PEX14: variants seen among roughly 807,000 people sequenced by gnomAD.
PEX14 encodes peroxisomal membrane protein PEX14.
A neutral mutation model predicts 49.5 loss-of-function variants in PEX14; 15 were observed. The ratio of observed to expected loss-of-function variants is 0.30; its 90% CI spans 0.20 to 0.47. The LOEUF is 0.47. Ranked by LOEUF, PEX14 falls within the 20% of genes least tolerant of loss-of-function variation. The pLI is 1.00. For synonymous variants in PEX14, 210 were observed against 212.7 expected, an observed-to-expected ratio of 0.99 and a Z score of 0.11; for missense variants, 398 against 494.8, an observed-to-expected ratio of 0.80 and a Z score of 1.86.
At chr1:10,538,624 A>T (rs1557833855) in intron 3 of PEX14, among the ~76,000 whole-genome samples, 1 of 152,268 alleles carries the variant, frequency 6.6e-6, no homozygotes, top group African/African-American at 2.4e-5. Context: ...CGCAGATTTA[A>T]GCTTCACTTT....
chr1:10,531,455 T>G (rs1638648396), intron 2 of PEX14, among the ~76,000 whole-genome samples: 1 of 152,208 alleles, frequency 6.6e-6, no homozygotes, highest in South Asian at 2.1e-4. Flanking sequence ...GTCTAACGCT[T>G]GTTAACAGGA....
intron 4 of PEX14, among the ~76,000 whole-genome samples, chr1:10,607,212 C>T (rs1279522140): frequency 6.6e-6 from 1 of 151,998 alleles, no homozygotes; most frequent in East Asian, 1.9e-4. Context: ...AATTGCTGTG[C>T]GCATCCGAAG....
intron 3 of PEX14, among the ~76,000 whole-genome samples, chr1:10,580,374 G>T (rs975703076): frequency 6.6e-6 from 1 of 152,002 alleles, no homozygotes; most frequent in Non-Finnish European, 1.5e-5. Flanking sequence ...ACAGGTGCAT[G>T]CTACCTCGCC....
intron 2 of PEX14, chr1:10,524,517 G>A: frequency 5.4e-6 from 3 of 550,880 alleles, no homozygotes; most frequent in Non-Finnish European, 6.9e-6. Flanking sequence ...TTATTCATAA[G>A]TAAATTACAT....
At chr1:10,592,494 A>T (rs1191449812) in intron 3 of PEX14, among the ~76,000 whole-genome samples, 2 of 152,154 alleles carry the variant, frequency 1.3e-5, no homozygotes, top group Non-Finnish European at 2.9e-5. Context: ...AGTCGTTCAT[A>T]TGAGAGATCT....
intron 1 of PEX14, among the ~76,000 whole-genome samples, chr1:10,478,932 T>C (rs1641239030): frequency 6.6e-6 from 1 of 151,800 alleles, no homozygotes; most frequent in Non-Finnish European, 1.5e-5. Context: ...ATTTCATTTT[T>C]AGTAGAGACG....
At chr1:10,577,524 C>CTATATATATATATATATA (rs1557854620) in intron 3 of PEX14, among the ~76,000 whole-genome samples, 1 of 44,346 alleles carries the variant, frequency 2.3e-5, no homozygotes, top group African/African-American at 8.3e-5. Context: ...ATTTTGGACA[C>CTATATATATATATATATA]TATACATATA....
intron 1 of PEX14, among the ~76,000 whole-genome samples, chr1:10,493,748 A>G (rs1641510185): frequency 6.6e-6 from 1 of 152,200 alleles, no homozygotes; most frequent in Admixed American, 6.5e-5. Flanking sequence ...GGCAGACTTG[A>G]TGTAATGAGT....
At chr1:10,484,520 A>T (rs139993157) in intron 1 of PEX14, among the ~76,000 whole-genome samples, 1 of 151,824 alleles carries the variant, frequency 6.6e-6, no homozygotes, top group Non-Finnish European at 1.5e-5. Context: ...ATGGATGGCT[A>T]TATCTCAATT....
At chr1:10,582,481 A>C (rs1640349385) in intron 3 of PEX14, among the ~76,000 whole-genome samples, 1 of 152,184 alleles carries the variant, frequency 6.6e-6, no homozygotes, top group African/African-American at 2.4e-5. Flanking sequence ...TTGTCTAGAT[A>C]GTAATTGCTG....
At chr1:10,596,627 C>T (rs1369007155) in intron 3 of PEX14, among the ~76,000 whole-genome samples, 1 of 152,190 alleles carries the variant, frequency 6.6e-6, no homozygotes, top group Non-Finnish European at 1.5e-5. Flanking sequence ...CCCATCACAT[C>T]ACCACTCTCT....
intron 3 of PEX14, among the ~76,000 whole-genome samples, chr1:10,551,665 T>G (rs557115570): frequency 1.3e-5 from 2 of 152,372 alleles, no homozygotes; most frequent in Non-Finnish European, 2.9e-5. Flanking sequence ...TAGTTAGTTC[T>G]CGCTATTCAC....
chr1:10,536,376 A>C, intron 3 of PEX14, 79 bp downstream of exon 3: 1 of 914,728 alleles, frequency 1.1e-6, no homozygotes, highest in Non-Finnish European at 1.8e-6. Flanking sequence ...GGTGCAAGGC[A>C]GGTGCTGAGC....
intron 4 of PEX14, among the ~76,000 whole-genome samples, chr1:10,608,741 TA>T (rs1553119318): frequency 6.9e-4 from 95 of 138,088 alleles, no homozygotes; most frequent in Middle Eastern, 3.7e-3. Context: ...TAAAAAAAAA[TA>T]AAAAAAAAAA....
intron 3 of PEX14, among the ~76,000 whole-genome samples, chr1:10,588,375 A>G (rs947750731): frequency 6.6e-6 from 1 of 152,140 alleles, no homozygotes; most frequent in Admixed American, 6.5e-5. Flanking sequence ...AGCTTTAGCA[A>G]TAGTTGCCCC....
intron 1 of PEX14, among the ~76,000 whole-genome samples, chr1:10,480,387 C>CTTTTTTT (rs34544712): frequency 4.6e-5 from 4 of 87,290 alleles, no homozygotes; most frequent in Non-Finnish European, 6.1e-5. Context: ...GCCTGGCTAA[C>CTTTTTTT]TTTTTTTTTT....
At chr1:10,570,709 G>T (rs1053201549) in intron 3 of PEX14, among the ~76,000 whole-genome samples, 1 of 152,052 alleles carries the variant, frequency 6.6e-6, no homozygotes. Context: ...TATGACAGAG[G>T]CCATAAGAAA....
chr1:10,499,937 T>A (rs1489693264), intron 2 of PEX14, among the ~76,000 whole-genome samples: 1 of 152,206 alleles, frequency 6.6e-6, no homozygotes, highest in East Asian at 1.9e-4. Flanking sequence ...GAGGCTCAGA[T>A]GGAACCTTGT....
At chr1:10,475,085 G>T in intron 1 of PEX14, 83 bp downstream of exon 1, 1 of 1,358,374 alleles carries the variant, frequency 7.4e-7, no homozygotes, top group South Asian at 1.2e-5. Context: ...AGCCGGGTAG[G>T]GACCCCGAGT....
Sources: gnomAD v4.1 joint callset for allele counts (sites outside exome capture counted in the v4.1 genomes callset) on GRCh38, gnomAD v4.1.1 for gene constraint, MANE v1.5 for transcripts, NCBI Gene and HGNC (gene_info 2026-07-23, HGNC 2026-07-21) for gene names.